Variants in BCAS1 observed in about 807,000 individuals in gnomAD.
BCAS1 encodes the protein brain enriched myelin associated protein 1.
A neutral mutation model predicts 65.4 loss-of-function variants in BCAS1; 46 were observed. That is an observed-to-expected ratio of 0.70 (90% CI 0.55 to 0.90). BCAS1 has a LOEUF of 0.90. Ranked by LOEUF, BCAS1 falls within the 40% of genes least tolerant of loss-of-function variation. The probability of loss-of-function intolerance (pLI) is 0.00; values close to 1 mark genes in which losing one functional copy is unlikely to be tolerated. For synonymous variants in BCAS1, 298 were observed against 293.5 expected (o/e 1.02, Z -0.16); for missense variants, 793 against 771.2 (o/e 1.03, Z -0.33).
intron 4 of BCAS1, among the ~76,000 whole-genome samples, chr20:53,996,854 G>T (rs768668703): frequency 6.6e-6 from 1 of 152,164 alleles, no homozygotes; most frequent in Non-Finnish European, 1.5e-5. Flanking sequence ...GTCTAACATG[G>T]TCTGCCCCTG....
chr20:53,961,297 T>C (rs530403754), intron 10 of BCAS1, among the ~76,000 whole-genome samples: 6 of 152,348 alleles, frequency 3.9e-5, no homozygotes, highest in African/African-American at 1.4e-4. Flanking sequence ...AGAAAAAGAA[T>C]TGGGCTGAAA....
In BCAS1 at chr20:54,044,837, C is replaced by CAAAAA. The variant is rs74179262; in HGVS notation, c.142+13243_142+13247dup. Among the ~76,000 whole-genome samples, 50 of 132,784 alleles carry CAAAAA rather than the reference C, an allele frequency of 3.8e-4. 2 individuals are homozygous for CAAAAA. Among genetic ancestry groups the CAAAAA allele is most frequent in the South Asian group, 9.6e-4 (4 of 4,156 alleles). The allele number at this position is 132,784 out of a possible 152,430, so 87.1% of individuals were successfully genotyped here. A position where few individuals can be genotyped will look rare whatever the true frequency, so the allele number is the denominator to read the frequency against. ...TGGGCAGCGGAAGGAGACTCTGTCTCAAAAAAAAAAAGAAAAAAAGAAATT... is the reference window on the plus strand; with the variant it reads ...TGGGCAGCGGAAGGAGACTCTGTCTCAAAAAAAAAAAAAAAAGAAAAAAAGAAATT... On this transcript the variant is annotated intron_variant, in intron 3 of 12. Coordinates refer to ENST00000688948, the MANE Select transcript of BCAS1 (RefSeq NM_001366298.2).
chr20:53,996,559 G>A (rs1191103411), intron 4 of BCAS1, among the ~76,000 whole-genome samples: 2 of 151,958 alleles, frequency 1.3e-5, no homozygotes, highest in Non-Finnish European at 2.9e-5. Flanking sequence ...TCTGTGCAAG[G>A]GGTGTGATAG....
At chr20:54,065,072 C>T (rs544080639) in intron 1 of BCAS1, among the ~76,000 whole-genome samples, 7 of 152,092 alleles carry the variant, frequency 4.6e-5, no homozygotes, top group Admixed American at 2.0e-4. Context: ...CATGATGGTT[C>T]GACTGACAAT....
chr20:54,062,791 T>C (rs3787540), intron 1 of BCAS1, among the ~76,000 whole-genome samples: 21,141 of 152,234 alleles, frequency 0.14, 1,940 homozygotes, highest in East Asian at 0.32. Context: ...TAATGGCGTG[T>C]CTTTTTCAGT....
At chr20:53,967,641 A>G (rs1235491794) in intron 9 of BCAS1, among the ~76,000 whole-genome samples, 20 of 152,246 alleles carry the variant, frequency 1.3e-4, no homozygotes. Flanking sequence ...ACTTAATTGA[A>G]GTTTATGCTT....
chr20:53,997,914 T>C (rs553546886), intron 4 of BCAS1, among the ~76,000 whole-genome samples: 1 of 152,288 alleles, frequency 6.6e-6, no homozygotes, highest in South Asian at 2.1e-4. Context: ...CATCCCCGTG[T>C]AGTCCTTCCT....
In BCAS1 at chr20:54,028,765, C is replaced by T; in HGVS notation, c.350G>A (p.Gly117Glu). 3.1e-6 allele frequency: 5 copies of T among 1,614,190 alleles called. No homozygotes were observed. The highest frequency in any genetic ancestry group is 8.5e-7 in the Non-Finnish European group (1 of 1,180,030). The change falls in exon 4 of 13, where the codon GGA becomes GAA. Residue 117 changes from glycine (G) to glutamate (E), a missense_variant. Physicochemically the swap from Gly to Glu is moderately conservative, Grantham distance 98. Coordinates refer to ENST00000688948, the MANE Select transcript of BCAS1 (RefSeq NM_001366298.2). ...GGAGCTGACATCAAGCTTCACTGAT[C>T]CAAGGGATGAATCTGCGGCTTGGTC... Reference protein sequence around the residue: ...TGDQAADSSLGSVKLDVSSNK... With the variant: ...TGDQAADSSLESVKLDVSSNK...
Position 54,019,553 on chromosome 20 carries a change from T to C in BCAS1, c.723+8839A>G, listed in dbSNP as rs550287545. Among the ~76,000 whole-genome samples, 224 of 152,248 alleles carry C rather than the reference T, an allele frequency of 1.5e-3. 2 individuals carry two copies. The highest frequency in any genetic ancestry group is 3.4e-3 in the Middle Eastern group (1 of 294). Reference sequence around the variant, plus strand: ...AAGGATGCCTAGATGGCTGGTAAAGTATTGTTTCTGGGTGTGTCTATGAGG... The same window carrying C: ...AAGGATGCCTAGATGGCTGGTAAAGCATTGTTTCTGGGTGTGTCTATGAGG... On this transcript the variant is annotated intron_variant, in intron 4 of 12. Coordinates refer to ENST00000688948, the MANE Select transcript of BCAS1 (RefSeq NM_001366298.2).
At chr20:53,947,114 G>GA (rs2089352561) in intron 12 of BCAS1, among the ~76,000 whole-genome samples, 2 of 152,174 alleles carry the variant, frequency 1.3e-5, no homozygotes, top group South Asian at 4.1e-4. Flanking sequence ...GCTGGTCTTT[G>GA]AACGCCAGAC....
intron 1 of BCAS1, among the ~76,000 whole-genome samples, chr20:54,058,948 T>C (rs556159031): frequency 2.0e-5 from 3 of 152,256 alleles, no homozygotes; most frequent in Non-Finnish European, 4.4e-5. Flanking sequence ...TGGTTCCGCA[T>C]GGCTGGGGAG....
intron 3 of BCAS1, 168 bp from the exon 4 acceptor site, chr20:54,029,140 C>T: frequency 3.0e-6 from 3 of 985,418 alleles, no homozygotes; most frequent in Non-Finnish European, 3.6e-6. Context: ...TCCTTGGACC[C>T]TGCTTTTCTT....
At chr20:54,068,667 G>A (rs2092475271) in intron 1 of BCAS1, among the ~76,000 whole-genome samples, 1 of 152,130 alleles carries the variant, frequency 6.6e-6, no homozygotes. Flanking sequence ...CACCTTACTA[G>A]TCCTACTTGC....
chr20:54,043,876 C>T (rs959331342), intron 3 of BCAS1, among the ~76,000 whole-genome samples: 17 of 152,222 alleles, frequency 1.1e-4, no homozygotes, highest in African/African-American at 3.4e-4. Flanking sequence ...GCTCTGCTTA[C>T]ATTTTTCAGT....
At chr20:54,057,807 T>C (rs554422887) in intron 3 of BCAS1, among the ~76,000 whole-genome samples, 1 of 152,204 alleles carries the variant, frequency 6.6e-6, no homozygotes, top group Admixed American at 6.5e-5. Flanking sequence ...TACAAGCCAA[T>C]GAGAGGGGCG....
chr20:54,037,248 G>A (rs1013779632), intron 3 of BCAS1, among the ~76,000 whole-genome samples: 3 of 151,276 alleles, frequency 2.0e-5, no homozygotes, highest in South Asian at 2.1e-4. Context: ...GGGGAGCAAG[G>A]ACCTTTCTTC....
Position 53,975,440 on chromosome 20 carries a change from G to C in BCAS1, c.1276-10C>G, listed in dbSNP as rs1401937466. 1.9e-6 allele frequency: 3 copies of C among 1,610,444 alleles called. No homozygotes were observed. The African/African-American group carries it at 4.0e-5, about 22-fold the overall frequency. On this transcript the variant is annotated splice_polypyrimidine_tract_variant and intron_variant, in intron 8 of 12. Transcript: ENST00000688948. ...AGTCCTCTTTAACTGACTAAAGGAA[G>C]ATAAAAACAAAAGTGAGAGTTAAAA...
chr20:53,947,179 C>A (rs1245444785), intron 12 of BCAS1, among the ~76,000 whole-genome samples: 1 of 152,066 alleles, frequency 6.6e-6, no homozygotes, highest in Non-Finnish European at 1.5e-5. Flanking sequence ...TCTACTTAAG[C>A]CTTAATTTTA....
At chr20:54,005,303 AAAAACAAAAC>A (rs71196438) in intron 4 of BCAS1, among the ~76,000 whole-genome samples, 10 of 148,376 alleles carry the variant, frequency 6.7e-5, no homozygotes, top group Admixed American at 1.3e-4. Context: ...GAAACAAAGC[AAAAACAAAAC>A]AAAACAAAAC....
Sources: allele counts gnomAD v4.1 joint callset (sites outside exome capture counted in the v4.1 genomes callset), GRCh38; gene constraint gnomAD v4.1.1; transcripts MANE v1.5; gene names NCBI Gene and HGNC (gene_info 2026-07-23, HGNC 2026-07-21).